The following CYBC1 variants were observed in gnomAD, a reference collection of about 807,000 sequenced individuals.
The protein encoded by CYBC1 is cytochrome b-245 chaperone 1.
CYBC1 carries 22 observed loss-of-function variants against 21.7 expected under a neutral mutation model. The observed-to-expected ratio is 1.02, with a 90% confidence interval of 0.73 to 1.45. CYBC1 has a LOEUF of 1.45. Among genes scored for constraint, CYBC1 ranks in the 40% most tolerant of loss-of-function variants. The pLI is 0.00. For synonymous variants in CYBC1, 112 were observed against 98.7 expected (o/e 1.13, Z -0.80); for missense variants, 237 against 242.1 (o/e 0.98, Z 0.14).
chr17:82,447,041 A>C (rs977787314), intron 3 of CYBC1: 8 of 388,326 alleles, frequency 2.1e-5, no homozygotes, highest in African/African-American at 4.2e-5. Flanking sequence ...TTGATGACCC[A>C]AAAACACAGA....
At chr17:82,448,940 A>G in intron 2 of CYBC1, 1 of 540,072 alleles carries the variant, frequency 1.9e-6, no homozygotes, top group East Asian at 3.3e-5. Flanking sequence ...AAAAGCTCAT[A>G]GAGTATATTA....
At chr17:82,445,840 G>T in intron 5 of CYBC1, 24 bp downstream of exon 5, 2 of 1,577,354 alleles carry the variant, frequency 1.3e-6, no homozygotes, top group Non-Finnish European at 1.7e-6. Context: ...CGTGTCCCAT[G>T]TCCCCACGCT....
At chr17:82,446,765 C>T in intron 3 of CYBC1, 69 bp from the exon 4 acceptor site, 1 of 1,476,116 alleles carries the variant, frequency 6.8e-7, no homozygotes, top group Non-Finnish European at 9.4e-7. Flanking sequence ...CCGCCTAGCA[C>T]AGCCTCCCCC....
intron 3 of CYBC1, chr17:82,447,288 G>A (rs2054357595): frequency 4.3e-6 from 2 of 464,822 alleles, no homozygotes; most frequent in Admixed American, 7.4e-5. Context: ...GGGAGGCGGA[G>A]CTTGCAGTGA....
At position 82,442,879 on chromosome 17, in the gene CYBC1, CG is replaced by C. The variant is rs1280754436; in HGVS notation, c.*1124del. The stretch of plus-strand genomic sequence containing the variant: ...GCCAGGGCATCAGGCCAGGCGCGCT[CG>C]GTGCACACCGCACCTGGGAGGACCT... On this transcript the variant is annotated 3_prime_UTR_variant, in exon 7 of 7. Coordinates refer to ENST00000306645, the MANE Select transcript of CYBC1 (RefSeq NM_001033046.4). The surrounding 1 kb of genome is among the most constrained non-coding windows in gnomAD (Gnocchi z 6.8). The C allele has an allele frequency of 1.1e-5, 4 of 348,344 alleles. No homozygotes were observed. Among genetic ancestry groups the C allele is most frequent in the Non-Finnish European group, 2.1e-5 (4 of 190,612 alleles). The allele number at this position is 348,344 out of a possible 1,614,324, so 21.6% of individuals were successfully genotyped here. A position where few individuals can be genotyped will look rare whatever the true frequency, so the allele number is the denominator to read the frequency against.
chr17:82,446,189 G>T (rs763537365), intron 4 of CYBC1, among the ~76,000 whole-genome samples: 49 of 152,218 alleles, frequency 3.2e-4, no homozygotes, highest in Non-Finnish European at 5.9e-4. Flanking sequence ...GGTGCAGCAG[G>T]CGCTTGCTCC....
chr17:82,444,985 A>C (rs2054192991), intron 5 of CYBC1: 1 of 177,820 alleles, frequency 5.6e-6, no homozygotes, highest in African/African-American at 2.4e-5. Context: ...CTCTTCGGGT[A>C]CTGGGGCGGT....
At chr17:82,444,256 C>A in intron 6 of CYBC1, 132 bp from the exon 7 acceptor site, 2 of 1,455,196 alleles carry the variant, frequency 1.4e-6, no homozygotes, top group Admixed American at 2.2e-5. Flanking sequence ...CCCAGCACTT[C>A]CTGGCCTGCT....
At position 82,447,605 on chromosome 17, in the gene CYBC1, G is replaced by T. The variant is rs146049729; in HGVS notation, c.102C>A (p.Gly34=). The T allele has an allele frequency of 4.8e-5, 76 of 1,599,052 alleles. No homozygotes were observed. The African/African-American group carries it at 7.7e-4, about 16-fold the overall frequency. Residue 34 remains glycine (G), a synonymous_variant, in exon 3 of 7, where the codon GGC becomes GGA. Coordinates refer to ENST00000306645, the MANE Select transcript of CYBC1 (RefSeq NM_001033046.4). The part of the protein sequence containing the change: ...WSLLVGILSI[G]LAAAYYSGDS... The stretch of plus-strand genomic sequence containing the variant: ...CTCCGCTGTAGTAGGCAGCAGCCAG[G>T]CCAATCGACAAGATTCCTATGAAGA...
At chr17:82,450,621 C>A (rs899668460) in intron 1 of CYBC1, 79 bp downstream of exon 1, 1 of 152,286 alleles carries the variant, frequency 6.6e-6, no homozygotes, top group Admixed American at 6.5e-5. Context: ...AGACCCCTCC[C>A]GGAGTGGGCC....
At position 82,449,981 on chromosome 17, in the gene CYBC1, A is replaced by C. The variant is rs560301975; in HGVS notation, c.-38-689T>G. The C allele has an allele frequency of 2.6e-5, 4 of 152,230 alleles. No individual in the cohort carries two copies. The South Asian group carries it at 8.3e-4, about 32-fold the overall frequency. The allele number at this position is 152,230 out of a possible 1,614,324, so 9.4% of individuals were successfully genotyped here. A position where few individuals can be genotyped will look rare whatever the true frequency, so the allele number is the denominator to read the frequency against. ...CCTGTGAAGTCAAATCAAATTTCTG[A>C]CATTAAGTAGGGGGTTCAGGCTGGG... On this transcript the variant is annotated intron_variant, in intron 1 of 6. Coordinates refer to ENST00000306645, the MANE Select transcript of CYBC1 (RefSeq NM_001033046.4).
In CYBC1 at chr17:82,449,151, G is replaced by A. The variant is rs773916412; in HGVS notation, c.85+19C>T. On this transcript the variant is annotated intron_variant, in intron 2 of 6. Transcript: ENST00000306645. Reference sequence around the variant, plus strand: ...GCTTCCGGTTCTGGGGTTCTGGGGAGGGACGTGGAGAGCCTTACCAACCAG... The same window carrying A: ...GCTTCCGGTTCTGGGGTTCTGGGGAAGGACGTGGAGAGCCTTACCAACCAG... 1.9e-6 allele frequency: 3 copies of A among 1,540,980 alleles called. No homozygotes were observed. Among genetic ancestry groups the A allele is most frequent in the Non-Finnish European group, 2.6e-6 (3 of 1,145,170 alleles).
At position 82,442,846 on chromosome 17, in the gene CYBC1, G is replaced by C. The variant is rs2054046983; in HGVS notation, c.*1158C>G. 1 of 450,436 alleles carries C rather than the reference G, an allele frequency of 2.2e-6. No homozygotes were observed. Among genetic ancestry groups the C allele is most frequent in the East Asian group, 3.5e-5 (1 of 28,712 alleles). The allele number at this position is 450,436 out of a possible 1,614,324, so 27.9% of individuals were successfully genotyped here. A position where few individuals can be genotyped will look rare whatever the true frequency, so the allele number is the denominator to read the frequency against. On this transcript the variant is annotated 3_prime_UTR_variant, in exon 7 of 7. Coordinates refer to ENST00000306645, the MANE Select transcript of CYBC1 (RefSeq NM_001033046.4). This position sits in a 1 kb window ranked among gnomAD's most constrained non-coding sequence, Gnocchi z 6.8. ...GGCTCACAGGGCCCAGGAGTCCCCA[G>C]CTCACAGGCCAGGGCATCAGGCCAG...
Position 82,442,619 on chromosome 17 carries a change from G to A in CYBC1, c.*1385C>T. 1 of 1,539,920 alleles carries A rather than the reference G, an allele frequency of 6.5e-7. No homozygotes were observed. The highest frequency in any genetic ancestry group is 1.4e-5 in the African/African-American group (1 of 73,110). ...CTGCATGTGTGACACTGATTCTTTG[G>A]AAATAAAGAGTGGAAGCTGCAGGTG... On this transcript the variant is annotated 3_prime_UTR_variant, in exon 7 of 7. Coordinates refer to ENST00000306645, the MANE Select transcript of CYBC1 (RefSeq NM_001033046.4). The surrounding 1 kb of genome is among the most constrained non-coding windows in gnomAD (Gnocchi z 6.8).
intron 3 of CYBC1, 111 bp from the exon 4 acceptor site, chr17:82,446,807 C>A (rs2054322482): frequency 1.8e-6 from 2 of 1,098,430 alleles, no homozygotes; most frequent in Non-Finnish European, 1.3e-6. Flanking sequence ...CTTGCAAGGA[C>A]CCCCTGGGCA....
At chr17:82,450,572 G>C (rs1266091443) in intron 1 of CYBC1, 128 bp downstream of exon 1, 1 of 152,090 alleles carries the variant, frequency 6.6e-6, no homozygotes, top group East Asian at 1.9e-4. Flanking sequence ...CGACGGGCAC[G>C]GCGGGACACG....
chr17:82,442,831 G>A lies in CYBC1; in HGVS notation c.*1173C>T, dbSNP rs2054045720. 3 of 480,346 alleles carry A rather than the reference G, an allele frequency of 6.2e-6. No individual in the cohort carries two copies. In the East Asian group the frequency reaches 9.8e-5, roughly 16 times the overall value. The allele number at this position is 480,346 out of a possible 1,614,324, so 29.8% of individuals were successfully genotyped here. A position where few individuals can be genotyped will look rare whatever the true frequency, so the allele number is the denominator to read the frequency against. ...GGCCTGCCGCCTAGGGGCTCACAGGGCCCAGGAGTCCCCAGCTCACAGGCC... is the reference window on the plus strand; with the variant it reads ...GGCCTGCCGCCTAGGGGCTCACAGGACCCAGGAGTCCCCAGCTCACAGGCC... On this transcript the variant is annotated 3_prime_UTR_variant, in exon 7 of 7. Transcript: ENST00000306645. This position sits in a 1 kb window ranked among gnomAD's most constrained non-coding sequence, Gnocchi z 6.8.
chr17:82,442,904 C>G lies in CYBC1; in HGVS notation c.*1100G>C, dbSNP rs923765550. ...CGGTGCACACCGCACCTGGGAGGAC[C>G]TGGGTACACTCAGGAGACCAAGAGC... On this transcript the variant is annotated 3_prime_UTR_variant, in exon 7 of 7. Transcript: ENST00000306645. This position sits in a 1 kb window ranked among gnomAD's most constrained non-coding sequence, Gnocchi z 6.8. 1 of 288,906 alleles carries G rather than the reference C, an allele frequency of 3.5e-6. No homozygotes were observed. The highest frequency in any genetic ancestry group is 2.2e-5 in the African/African-American group (1 of 46,370). The allele number at this position is 288,906 out of a possible 1,614,324, so 17.9% of individuals were successfully genotyped here. A position where few individuals can be genotyped will look rare whatever the true frequency, so the allele number is the denominator to read the frequency against.
At chr17:82,446,067 G>A in intron 4 of CYBC1, 107 bp from the exon 5 acceptor site, 3 of 849,498 alleles carry the variant, frequency 3.5e-6, no homozygotes, top group South Asian at 1.5e-5. Flanking sequence ...AAGAAGGGGG[G>A]CTGGGGACCC....
Sources: gnomAD v4.1 joint callset for allele counts (sites outside exome capture counted in the v4.1 genomes callset) on GRCh38, gnomAD v4.1.1 for gene constraint, Gnocchi (gnomAD v3.1) non-coding constraint, MANE v1.5 for transcripts, NCBI Gene and HGNC (gene_info 2026-07-23, HGNC 2026-07-21) for gene names.